SLC12A7: variants seen among roughly 807,000 people sequenced by gnomAD.
SLC12A7 encodes the protein solute carrier family 12 member 7, also known as K-Cl cotransporter 4.
SLC12A7 carries 100 observed loss-of-function variants against 120.6 expected under a neutral mutation model. The ratio of observed to expected loss-of-function variants is 0.83; its 90% CI spans 0.71 to 0.98. SLC12A7 has a LOEUF of 0.98. SLC12A7 is among the 50% of genes least tolerant of loss of function. The probability of loss-of-function intolerance (pLI) is 0.00; values close to 1 mark genes in which losing one functional copy is unlikely to be tolerated. For missense variants in SLC12A7, 1,373 were observed against 1,548.1 expected (o/e 0.89, Z 1.90); for synonymous variants, 760 against 678.0 (o/e 1.12, Z -1.88).
chr5:1,054,435 C>T (rs114319498), intron 22 of SLC12A7, among the ~76,000 whole-genome samples: 183 of 152,278 alleles, frequency 1.2e-3, no homozygotes, highest in Non-Finnish European at 2.3e-3. Flanking sequence ...CTCCTCTACC[C>T]CACGGTCCCC....
intron 1 of SLC12A7, among the ~76,000 whole-genome samples, chr5:1,095,068 G>GGT (rs1740988907): frequency 7.3e-6 from 1 of 136,286 alleles, no homozygotes; most frequent in Non-Finnish European, 1.7e-5. Context: ...GTAGGAGGTG[G>GGT]GGCCCGTAGG....
In SLC12A7 at chr5:1,081,613, T is replaced by C; in HGVS notation, c.1261A>G (p.Thr421Ala). The change falls in exon 9 of 24, where the codon ACC becomes GCC. Residue 421 changes from threonine to alanine, a missense_variant. Coordinates refer to ENST00000264930, the MANE Select transcript of SLC12A7 (RefSeq NM_006598.3). Reference sequence around the variant, plus strand: ...GGGAAGTAGATGCCAACCAGCAGGGTGAAGGAGGCCGCGATGTCGGTGAGC... The same window carrying C: ...GGGAAGTAGATGCCAACCAGCAGGGCGAAGGAGGCCGCGATGTCGGTGAGC... Reference protein sequence around the residue: ...YVLTDIAASFTLLVGIYFPSV... With the variant: ...YVLTDIAASFALLVGIYFPSV... The C allele has an allele frequency of 6.2e-7, 1 of 1,610,290 alleles. No individual in the cohort carries two copies. Among genetic ancestry groups the C allele is most frequent in the Non-Finnish European group, 8.5e-7 (1 of 1,177,534 alleles).
chr5:1,082,020 TGG>T, intron 8 of SLC12A7, among the ~76,000 whole-genome samples: 1 of 106,676 alleles, frequency 9.4e-6, no homozygotes, highest in South Asian at 2.6e-4. Context: ...TCTCGGGTTC[TGG>T]AAAGTCCAGG....
intron 1 of SLC12A7, among the ~76,000 whole-genome samples, chr5:1,107,970 C>T (rs996469472): frequency 1.6e-4 from 25 of 152,126 alleles, no homozygotes; most frequent in Non-Finnish European, 3.1e-4. Context: ...CCGCGTGACC[C>T]TCTGCTGTGG....
rs553093458 is a variant in SLC12A7, at chr5:1,108,826, AC to A, written c.124+3041del. 5.9e-5 allele frequency among the ~76,000 whole-genome samples: 9 copies of A among 152,232 alleles called. No individual in the cohort carries two copies. The South Asian group carries it at 1.9e-3, about 32-fold the overall frequency. On this transcript the variant is annotated intron_variant, in intron 1 of 23. Transcript: ENST00000264930. ...TTGGGAGGGGGCTCCCAACACGGAC[AC>A]GGTAGGTAGTTGGAGCAGGAGGGAC...
rs569563776 is a variant in SLC12A7 at position 1,105,159 on chromosome 5, A to AG, written c.124+6708_124+6709insC. On this transcript the variant is annotated intron_variant, in intron 1 of 23. Coordinates refer to ENST00000264930, the MANE Select transcript of SLC12A7 (RefSeq NM_006598.3). ...GGTCCTGCAGTCACCCACCAGTCAA[A>AG]AGGACCCTCCCCGCAGGGATGAGGT... Among the ~76,000 whole-genome samples the AG allele has an allele frequency of 5.3e-3, 683 of 129,330 alleles. 8 individuals carry two copies. In the East Asian group the frequency reaches 0.063, roughly 12 times the overall value. The allele number at this position is 129,330 out of a possible 152,430, so 84.8% of individuals were successfully genotyped here. A position where few individuals can be genotyped will look rare whatever the true frequency, so the allele number is the denominator to read the frequency against.
chr5:1,143,178 A>C, the SLC12A7 span, among the ~76,000 whole-genome samples: 1 of 152,222 alleles, frequency 6.6e-6, no homozygotes, highest in East Asian at 1.9e-4. Context: ...GGCATTTCCC[A>C]AGACCGGAGC....
chr5:1,056,279 C>T (rs1364305450), intron 22 of SLC12A7, among the ~76,000 whole-genome samples: 2 of 152,208 alleles, frequency 1.3e-5, no homozygotes, highest in African/African-American at 4.8e-5. Flanking sequence ...GCGCACGCCT[C>T]CCCTCCACTC....
intron 1 of SLC12A7, among the ~76,000 whole-genome samples, chr5:1,105,685 G>T (rs1258437908): frequency 6.6e-6 from 1 of 152,040 alleles, no homozygotes; most frequent in South Asian, 2.1e-4. Flanking sequence ...TAAAGGAAAG[G>T]TATTAACCCT....
chr5:1,153,694 C>T, the SLC12A7 span, among the ~76,000 whole-genome samples: 1 of 152,194 alleles, frequency 6.6e-6, no homozygotes, highest in East Asian at 1.9e-4. Context: ...ACCCTGCAGC[C>T]CTGACTTGGC....
intron 1 of SLC12A7, among the ~76,000 whole-genome samples, chr5:1,104,073 C>A (rs1288191018): frequency 6.6e-6 from 1 of 152,194 alleles, no homozygotes; most frequent in Non-Finnish European, 1.5e-5. Flanking sequence ...CGGTCGGGGA[C>A]CCTTGGCGGC....
chr5:1,096,506 C>A (rs1040792317), intron 1 of SLC12A7, among the ~76,000 whole-genome samples: 2 of 151,896 alleles, frequency 1.3e-5, no homozygotes, highest in Non-Finnish European at 2.9e-5. Flanking sequence ...GGCCCTTCCC[C>A]ACTCCTCTTC....
intron 8 of SLC12A7, among the ~76,000 whole-genome samples, chr5:1,083,524 T>C (rs1026492273): frequency 6.6e-5 from 10 of 152,214 alleles, no homozygotes; most frequent in Non-Finnish European, 1.3e-4. Flanking sequence ...TTGCTGACCA[T>C]GACGGAGGCT....
chr5:1,065,676 GGA>G (rs915787496), intron 17 of SLC12A7, among the ~76,000 whole-genome samples, 198 bp from the exon 18 acceptor site: 6 of 152,122 alleles, frequency 3.9e-5, no homozygotes, highest in African/African-American at 1.2e-4. Flanking sequence ...CACACACTGG[GGA>G]GAGAGACACA....
intron 22 of SLC12A7, among the ~76,000 whole-genome samples, chr5:1,055,698 G>A (rs971840920): frequency 1.2e-4 from 18 of 152,242 alleles, no homozygotes; most frequent in African/African-American, 3.9e-4. Flanking sequence ...GTGCCACTGA[G>A]GGTCCCCGAG....
At chr5:1,074,474 G>A (rs1311768251) in intron 16 of SLC12A7, 93 bp downstream of exon 16, 13 of 1,165,220 alleles carry the variant, frequency 1.1e-5, no homozygotes, top group African/African-American at 1.5e-5. Context: ...GAAGGTGAGA[G>A]GCCCCTGAGA....
At chr5:1,088,157 A>G in intron 5 of SLC12A7, 149 bp downstream of exon 5, 1 of 683,546 alleles carries the variant, frequency 1.5e-6, no homozygotes, top group South Asian at 1.9e-5. Context: ...ACGCCAGAGG[A>G]GCCAGTGGAG....
chr5:1,122,771 C>T, the SLC12A7 span, among the ~76,000 whole-genome samples: 21 of 152,368 alleles, frequency 1.4e-4, no homozygotes, highest in Middle Eastern at 3.4e-3. Flanking sequence ...TCTCGGCTGT[C>T]GAGTGTCCAC....
chr5:1,112,242 C>T (rs1743082865), upstream of SLC12A7, among the ~76,000 whole-genome samples: 1 of 151,844 alleles, frequency 6.6e-6, no homozygotes, highest in African/African-American at 2.4e-5. Flanking sequence ...GCTGCCTGCG[C>T]TCCCGACCAT....
Sources: allele counts gnomAD v4.1 joint callset (sites outside exome capture counted in the v4.1 genomes callset), GRCh38; gene constraint gnomAD v4.1.1; transcripts MANE v1.5; gene names NCBI Gene and HGNC (gene_info 2026-07-23, HGNC 2026-07-21).